Variants in RNF150 observed in about 807,000 individuals in gnomAD.
The protein encoded by RNF150 is ring finger protein 150.
RNF150 carries 24 observed loss-of-function variants against 39.3 expected under a neutral mutation model. That is an observed-to-expected ratio of 0.61 (90% CI 0.44 to 0.86). The LOEUF (loss-of-function observed/expected upper bound fraction) is 0.86, where lower values mean the gene tolerates loss of function less well. Ranked by LOEUF, RNF150 falls within the 40% of genes least tolerant of loss-of-function variation. The pLI is 0.00. For missense variants in RNF150, 502 were observed against 587.8 expected (o/e 0.85, Z 1.51); for synonymous variants, 255 against 227.3 (o/e 1.12, Z -1.10).
At chr4:140,936,798 C>CA (rs1731878946) in intron 4 of RNF150, among the ~76,000 whole-genome samples, 1 of 152,064 alleles carries the variant, frequency 6.6e-6, no homozygotes, top group Admixed American at 6.5e-5. Context: ...AAACATCTTA[C>CA]AATCAATGAC....
In RNF150 at chr4:140,967,773, G is replaced by A. The variant is rs979361441; in HGVS notation, c.585C>T (p.Ile195=). ...CATATTTCTGCAAGTTCCGGGTTCC[G>A]ATGGTGATGTACATTGTCACGGTGA... The part of the protein sequence containing the change: ...RNITVTMYIT[I]GTRNLQKYVS... The change falls in exon 2 of 7, where the codon ATC becomes ATT. Residue 195 remains isoleucine, a synonymous_variant. Transcript: ENST00000515673. 1 of 1,613,536 alleles carries A rather than the reference G, an allele frequency of 6.2e-7. No individual in the cohort carries two copies. Among genetic ancestry groups the A allele is most frequent in the Non-Finnish European group, 8.5e-7 (1 of 1,179,640 alleles).
rs374509935 is a variant in RNF150 at position 140,999,985 on chromosome 4, A to AGAGG, written c.485-32113_485-32112insCCTC. Among the ~76,000 whole-genome samples the AGAGG allele has an allele frequency of 4.1e-4, 16 of 39,000 alleles. 3 individuals carry two copies. The highest frequency in any genetic ancestry group is 1.1e-3 in the Admixed American group (3 of 2,616). 25.6% of individuals were successfully genotyped at this position (39,000 alleles called of 152,430 possible). On this transcript the variant is annotated intron_variant, in intron 1 of 6. Transcript: ENST00000515673. ...GAAGAAGAAGAAGAAGAAAAGAAGAAAAGAAGAAAAGAAGAAGAAGAAGAA... is the reference window on the plus strand; with the variant it reads ...GAAGAAGAAGAAGAAGAAAAGAAGAAGAGGAAGAAGAAAAGAAGAAGAAGAAGAA...
At chr4:141,177,673 C>T (rs1023939103) in intron 1 of RNF150, among the ~76,000 whole-genome samples, 3 of 152,130 alleles carry the variant, frequency 2.0e-5, no homozygotes, top group Non-Finnish European at 1.5e-5. Flanking sequence ...TTTTCACACT[C>T]AGTTCTTGTT....
chr4:141,196,327 G>A (rs1004014207), intron 1 of RNF150, among the ~76,000 whole-genome samples: 2 of 152,096 alleles, frequency 1.3e-5, no homozygotes, highest in Admixed American at 1.3e-4. Context: ...TATAGCAAAG[G>A]GAGGAGGGCA....
At chr4:140,991,961 A>T (rs1734209129) in intron 1 of RNF150, among the ~76,000 whole-genome samples, 1 of 152,170 alleles carries the variant, frequency 6.6e-6, no homozygotes, top group African/African-American at 2.4e-5. Flanking sequence ...TTCTGAAAAG[A>T]CATGCAATCT....
At chr4:140,928,578 G>C (rs1164846929) in intron 4 of RNF150, among the ~76,000 whole-genome samples, 1 of 152,090 alleles carries the variant, frequency 6.6e-6, no homozygotes, top group Non-Finnish European at 1.5e-5. Context: ...ACGGAGTCTC[G>C]CTCTGTCACC....
At chr4:141,147,846 A>T (rs1349055259) in intron 1 of RNF150, among the ~76,000 whole-genome samples, 6 of 152,248 alleles carry the variant, frequency 3.9e-5, no homozygotes, top group Non-Finnish European at 8.8e-5. Context: ...TCACTGAAGG[A>T]GGAAGAAAAA....
At chr4:141,081,151 AGG>A (rs1368209400) in intron 1 of RNF150, among the ~76,000 whole-genome samples, 1 of 152,204 alleles carries the variant, frequency 6.6e-6, no homozygotes, top group Non-Finnish European at 1.5e-5. Context: ...TCCAGGGCTA[AGG>A]ACATGTCTGC....
intron 6 of RNF150, among the ~76,000 whole-genome samples, chr4:140,910,581 C>T (rs530598206): frequency 1.1e-4 from 17 of 150,910 alleles, no homozygotes; most frequent in African/African-American, 4.1e-4. Context: ...GGTTTAGTGT[C>T]TCTTGCAGAT....
intron 1 of RNF150, among the ~76,000 whole-genome samples, chr4:140,968,790 TG>T (rs942057934): frequency 1.3e-5 from 2 of 151,812 alleles, no homozygotes; most frequent in Non-Finnish European, 2.9e-5. Flanking sequence ...TGAGGAGTTC[TG>T]GGGCCCCTAC....
intron 5 of RNF150, 92 bp from the exon 6 acceptor site, chr4:140,911,446 A>G (rs1307632077): frequency 4.6e-6 from 5 of 1,094,516 alleles, no homozygotes; most frequent in Non-Finnish European, 6.5e-6. Flanking sequence ...CCATGAAAAA[A>G]TTAAGTTCTT....
intron 1 of RNF150, among the ~76,000 whole-genome samples, chr4:141,205,194 C>A (rs1347620437): frequency 6.6e-6 from 1 of 152,118 alleles, no homozygotes. Flanking sequence ...ATCATATTAA[C>A]TCATTTTGAG....
intron 4 of RNF150, among the ~76,000 whole-genome samples, chr4:140,936,179 T>C (rs550327820): frequency 1.3e-5 from 2 of 152,346 alleles, no homozygotes; most frequent in African/African-American, 4.8e-5. Flanking sequence ...TTGCAGATTT[T>C]CCATTGTTAG....
At chr4:140,955,179 G>A (rs1047671705) in intron 2 of RNF150, among the ~76,000 whole-genome samples, 1 of 152,204 alleles carries the variant, frequency 6.6e-6, no homozygotes, top group Non-Finnish European at 1.5e-5. Context: ...TCATAGCACA[G>A]CCAGTTCAAT....
At chr4:141,157,215 T>TCC (rs34144656) in intron 1 of RNF150, among the ~76,000 whole-genome samples, 9 of 150,852 alleles carry the variant, frequency 6.0e-5, no homozygotes, top group African/African-American at 2.2e-4. Flanking sequence ...GCACAATATC[T>TCC]CCCCCCCCAA....
chr4:141,008,709 T>C (rs1327619070), intron 1 of RNF150, among the ~76,000 whole-genome samples: 2 of 152,178 alleles, frequency 1.3e-5, no homozygotes, highest in Non-Finnish European at 2.9e-5. Context: ...TAAGTGACCA[T>C]GTATGTTCTG....
At chr4:141,125,069 A>G (rs113030699) in intron 1 of RNF150, among the ~76,000 whole-genome samples, 1,780 of 152,352 alleles carry the variant, frequency 0.012, 14 homozygotes, top group Middle Eastern at 0.027. Flanking sequence ...AAAGCAATTT[A>G]TAACCACAAA....
chr4:140,983,636 G>T (rs1351683911), intron 1 of RNF150, among the ~76,000 whole-genome samples: 1 of 151,994 alleles, frequency 6.6e-6, no homozygotes, highest in South Asian at 2.1e-4. Flanking sequence ...GCATGCTTGT[G>T]GGGGGAATCT....
chr4:141,206,862 A>T (rs1457308601), intron 1 of RNF150, among the ~76,000 whole-genome samples: 1 of 152,194 alleles, frequency 6.6e-6, no homozygotes, highest in East Asian at 1.9e-4. Context: ...AAACCAAGGA[A>T]GCCAGTAGTG....
Sources: allele counts gnomAD v4.1 joint callset (sites outside exome capture counted in the v4.1 genomes callset), GRCh38; gene constraint gnomAD v4.1.1; transcripts MANE v1.5; gene names NCBI Gene and HGNC (gene_info 2026-07-23, HGNC 2026-07-21).